PTPRK: variants seen among roughly 807,000 people sequenced by gnomAD.
The protein encoded by PTPRK is protein tyrosine phosphatase receptor type K, also known as receptor-type tyrosine-protein phosphatase kappa.
In PTPRK, 75 loss-of-function variants were observed where a neutral mutation model predicts 178.0. The ratio of observed to expected loss-of-function variants is 0.42; its 90% CI spans 0.35 to 0.51. The LOEUF (loss-of-function observed/expected upper bound fraction) is 0.51. Among genes scored for constraint, PTPRK ranks in the 20% least tolerant of loss-of-function variants. PTPRK has a pLI of 0.02. For synonymous variants in PTPRK, 637 were observed against 620.6 expected, an observed-to-expected ratio of 1.03 and a Z score of -0.39; for missense variants, 1,441 against 1,797.8, an observed-to-expected ratio of 0.80 and a Z score of 3.59.
intron 3 of PTPRK, among the ~76,000 whole-genome samples, chr6:128,301,075 A>G (rs1825531057): frequency 6.6e-6 from 1 of 152,154 alleles, no homozygotes; most frequent in Non-Finnish European, 1.5e-5. Context: ...CCATTGTTAC[A>G]TTTTAAGTAC....
chr6:128,455,494 A>T (rs887585726), intron 1 of PTPRK, among the ~76,000 whole-genome samples: 5 of 152,148 alleles, frequency 3.3e-5, no homozygotes, highest in Non-Finnish European at 5.9e-5. Context: ...ATTAAAGCAT[A>T]AGCAGCATAT....
chr6:128,335,804 A>C (rs1830846177), intron 2 of PTPRK, among the ~76,000 whole-genome samples: 1 of 152,072 alleles, frequency 6.6e-6, no homozygotes, highest in Non-Finnish European at 1.5e-5. Flanking sequence ...AAAAAACCTG[A>C]AACCCTTGTA....
At chr6:128,109,463 T>C (rs1254078052) in intron 7 of PTPRK, among the ~76,000 whole-genome samples, 3 of 152,164 alleles carry the variant, frequency 2.0e-5, no homozygotes, top group Non-Finnish European at 2.9e-5. Flanking sequence ...GGTATCAATG[T>C]CTCAGAATTG....
At chr6:128,077,474 C>T (rs73584644) in intron 11 of PTPRK, among the ~76,000 whole-genome samples, 8,647 of 152,032 alleles carry the variant, frequency 0.057, 844 homozygotes, top group African/African-American at 0.2. Flanking sequence ...CAATACATTT[C>T]TTAAATTAAG....
chr6:128,249,013 T>A (rs1004619108), intron 3 of PTPRK, among the ~76,000 whole-genome samples: 1 of 152,106 alleles, frequency 6.6e-6, no homozygotes, highest in Non-Finnish European at 1.5e-5. Context: ...CCTTTTTTTA[T>A]AGTAAGAGGA....
chr6:128,000,663 T>A (rs1247023563), intron 15 of PTPRK, among the ~76,000 whole-genome samples: 1 of 151,874 alleles, frequency 6.6e-6, no homozygotes, highest in Non-Finnish European at 1.5e-5. Flanking sequence ...CAGACCGACA[T>A]AAAGAATAAA....
At chr6:128,493,671 T>A (rs533526441) in intron 1 of PTPRK, among the ~76,000 whole-genome samples, 1 of 147,962 alleles carries the variant, frequency 6.8e-6, no homozygotes, top group Non-Finnish European at 1.5e-5. Context: ...TATACTGTGG[T>A]CAATTCATAG....
rs1036476701 is a variant in PTPRK at position 128,096,612 on chromosome 6, C to T, written c.1163-6620G>A. On this transcript the variant is annotated intron_variant, in intron 7 of 29. Transcript: ENST00000368226. ...GAAAAATAGAAGATGTCCCAAAGCTCGTGCCAAGGAAAAATAAAAAAAAGA... is the reference window on the plus strand; with the variant it reads ...GAAAAATAGAAGATGTCCCAAAGCTTGTGCCAAGGAAAAATAAAAAAAAGA... Among the ~76,000 whole-genome samples, 10 of 151,946 alleles carry T rather than the reference C, an allele frequency of 6.6e-5. No homozygotes were observed. In the East Asian group the frequency reaches 1.2e-3, roughly 18 times the overall value.
At chr6:128,424,816 T>C (rs1232782907) in intron 1 of PTPRK, among the ~76,000 whole-genome samples, 3 of 152,190 alleles carry the variant, frequency 2.0e-5, no homozygotes, top group Non-Finnish European at 4.4e-5. Flanking sequence ...TCACTAATGC[T>C]AAAATCTTCC....
At chr6:128,458,251 A>C (rs1352479122) in intron 1 of PTPRK, among the ~76,000 whole-genome samples, 1 of 152,202 alleles carries the variant, frequency 6.6e-6, no homozygotes, top group Non-Finnish European at 1.5e-5. Context: ...GGGCAAAAAA[A>C]GGAAACAGGG....
At chr6:127,996,733 A>T in intron 17 of PTPRK, among the ~76,000 whole-genome samples, 168 bp downstream of exon 17, 1 of 152,152 alleles carries the variant, frequency 6.6e-6, no homozygotes. Context: ...GGCCTCCCAA[A>T]GTGCTGGGAT....
chr6:128,228,872 GTGAC>G (rs2128277995), intron 5 of PTPRK, among the ~76,000 whole-genome samples: 1 of 152,166 alleles, frequency 6.6e-6, no homozygotes, highest in Non-Finnish European at 1.5e-5. Flanking sequence ...AGGCTTTATA[GTGAC>G]TGACTGTACC....
intron 3 of PTPRK, among the ~76,000 whole-genome samples, chr6:128,255,636 A>G (rs1002669586): frequency 1.1e-4 from 17 of 152,366 alleles, no homozygotes; most frequent in African/African-American, 3.6e-4. Flanking sequence ...TGAACAAATT[A>G]TCAAGATGCT....
chr6:128,271,934 G>A (rs534000808), intron 3 of PTPRK, among the ~76,000 whole-genome samples: 6 of 150,622 alleles, frequency 4.0e-5, no homozygotes, highest in Middle Eastern at 3.4e-3. Context: ...AATAGTACTC[G>A]TTAATATAGT....
At chr6:128,249,472 A>C (rs1344747076) in intron 3 of PTPRK, among the ~76,000 whole-genome samples, 1 of 152,120 alleles carries the variant, frequency 6.6e-6, no homozygotes, top group East Asian at 1.9e-4. Flanking sequence ...CTAAAGACAG[A>C]TGGTTTGATG....
At chr6:128,449,760 T>G (rs1229174068) in intron 1 of PTPRK, among the ~76,000 whole-genome samples, 1 of 152,122 alleles carries the variant, frequency 6.6e-6, no homozygotes, top group African/African-American at 2.4e-5. Flanking sequence ...ATATGCTTAC[T>G]TTGTGAGATA....
intron 21 of PTPRK, among the ~76,000 whole-genome samples, chr6:127,988,669 C>G (rs370385497): frequency 6.6e-6 from 1 of 151,944 alleles, no homozygotes; most frequent in African/African-American, 2.4e-5. Context: ...TTTTCCATAG[C>G]TTTTCTAATA....
At chr6:128,511,920 G>T (rs2128443565) in intron 1 of PTPRK, among the ~76,000 whole-genome samples, 1 of 152,270 alleles carries the variant, frequency 6.6e-6, no homozygotes, top group South Asian at 2.1e-4. Flanking sequence ...GCCCTAGCAG[G>T]TCATGGGCTC....
chr6:128,112,475 T>A (rs1237670688), intron 7 of PTPRK, among the ~76,000 whole-genome samples: 1 of 152,072 alleles, frequency 6.6e-6, no homozygotes, highest in East Asian at 1.9e-4. Flanking sequence ...AGAACACAAT[T>A]TAGTAAATTA....
Sources: allele counts gnomAD v4.1 joint callset (sites outside exome capture counted in the v4.1 genomes callset), GRCh38; gene constraint gnomAD v4.1.1; transcripts MANE v1.5; gene names NCBI Gene and HGNC (gene_info 2026-07-23, HGNC 2026-07-21).